Variants in CFAP161 observed in about 807,000 individuals in gnomAD.
The protein encoded by CFAP161 is cilia- and flagella-associated protein 161.
Under a neutral mutation model 29.0 loss-of-function variants are expected in CFAP161, and 25 were observed. The ratio of observed to expected loss-of-function variants is 0.86; its 90% CI spans 0.63 to 1.20. CFAP161 has a LOEUF of 1.20. Ranked by LOEUF, CFAP161 falls within the 50% of genes most tolerant of loss-of-function variation. The probability of loss-of-function intolerance (pLI) is 0.00; values close to 1 mark genes in which losing one functional copy is unlikely to be tolerated. For synonymous variants in CFAP161, 116 were observed against 137.4 expected, an observed-to-expected ratio of 0.84 and a Z score of 1.09; for missense variants, 367 against 371.9, an observed-to-expected ratio of 0.99 and a Z score of 0.11.
chr15:81,123,950 G>C (rs958354343), intron 1 of CFAP161, among the ~76,000 whole-genome samples: 1 of 152,110 alleles, frequency 6.6e-6, no homozygotes, highest in African/African-American at 2.4e-5. Context: ...TGAGACGATG[G>C]GGTTTTCTAG....
At position 81,135,309 on chromosome 15, in the gene CFAP161, A is replaced by T. The variant is rs1894790243; in HGVS notation, c.109A>T (p.Lys37Ter). 1 of 1,600,988 alleles carries T rather than the reference A, an allele frequency of 6.2e-7. No individual in the cohort carries two copies. The highest frequency in any genetic ancestry group is 8.5e-7 in the Non-Finnish European group (1 of 1,176,786). ...KDFLEKRDKG[K>*]LLIQRSRRLK... Reference sequence around the variant, plus strand: ...CTTCTTAGAGAAGAGAGACAAGGGGAAACTTCTCATACAGAGAAGTAGAAG... The same window carrying T: ...CTTCTTAGAGAAGAGAGACAAGGGGTAACTTCTCATACAGAGAAGTAGAAG... Residue 37 changes from lysine to a stop codon, truncating the protein, a stop_gained, in exon 2 of 7, where the codon AAA becomes TAA. Transcript: ENST00000286732. LOFTEE classifies it high-confidence loss of function.
intron 1 of CFAP161, among the ~76,000 whole-genome samples, chr15:81,120,369 A>G (rs1894556580): frequency 6.6e-6 from 1 of 152,262 alleles, no homozygotes; most frequent in Admixed American, 6.5e-5. Flanking sequence ...AGGAAAGCCA[A>G]GAGTATGGAA....
intron 1 of CFAP161, among the ~76,000 whole-genome samples, chr15:81,124,790 T>C (rs1384122002): frequency 6.6e-6 from 1 of 152,206 alleles, no homozygotes; most frequent in Admixed American, 6.5e-5. Context: ...TTCTAGTTTA[T>C]GTGCATAGAG....
At chr15:81,115,284 C>A (rs191710077) in intron 1 of CFAP161, among the ~76,000 whole-genome samples, 5 of 152,224 alleles carry the variant, frequency 3.3e-5, no homozygotes, top group African/African-American at 1.2e-4. Flanking sequence ...TGATCAATAT[C>A]TTTTTCCAAA....
Position 81,117,016 on chromosome 15 carries a change from A to G in CFAP161, c.-141-10574A>G, listed in dbSNP as rs564645359. ...TATTAAAAAACCTTTTGGGGCTAGG[A>G]ATCCATAGGAAGGCAGACTTTAGAT... On this transcript the variant is annotated intron_variant, in intron 1 of 4. Transcript: ENST00000560091. Among the ~76,000 whole-genome samples the G allele has an allele frequency of 7.9e-5, 12 of 152,254 alleles. No individual in the cohort carries two copies. The South Asian group carries it at 2.5e-3, about 32-fold the overall frequency.
At chr15:81,108,084 G>T (rs1894396668) in intron 1 of CFAP161, among the ~76,000 whole-genome samples, 1 of 152,174 alleles carries the variant, frequency 6.6e-6, no homozygotes, top group Admixed American at 6.5e-5. Context: ...TTGGGGAAAT[G>T]AGTCTGCCTT....
At chr15:81,104,007 G>A (rs1894333124) in intron 1 of CFAP161, among the ~76,000 whole-genome samples, 1 of 152,134 alleles carries the variant, frequency 6.6e-6, no homozygotes, top group South Asian at 2.1e-4. Flanking sequence ...CATGATTTCA[G>A]AGAGTTTTTC....
At chr15:81,146,475 C>T (rs1010511187) in intron 5 of CFAP161, among the ~76,000 whole-genome samples, 1 of 151,836 alleles carries the variant, frequency 6.6e-6, no homozygotes, top group African/African-American at 2.4e-5. Flanking sequence ...CATCATTGAC[C>T]ATATCTTGTG....
At chr15:81,148,212 A>C in intron 6 of CFAP161, 126 bp from the exon 7 acceptor site, 4 of 979,000 alleles carry the variant, frequency 4.1e-6, no homozygotes, top group East Asian at 2.6e-5. Flanking sequence ...GTCCCATTTT[A>C]GAGATTCCCT....
intron 2 of CFAP161, among the ~76,000 whole-genome samples, chr15:81,128,386 G>A (rs2141873071): frequency 6.6e-6 from 1 of 152,254 alleles, no homozygotes; most frequent in East Asian, 1.9e-4. Context: ...ATCCTTTGTT[G>A]TCATTTCAGC....
At chr15:81,105,092 C>CCCTCCCTCCCTTCCTCCCTCCCTCCCTT (rs1555448580) in intron 1 of CFAP161, among the ~76,000 whole-genome samples, 1 of 53,452 alleles carries the variant, frequency 1.9e-5, no homozygotes, top group Non-Finnish European at 3.6e-5. Context: ...CTTTTCTTTT[C>CCCTCCCTCCCTTCCTCCCTCCCTCCCTT]CCTCCCTCCC....
intron 4 of CFAP161, 149 bp from the exon 5 acceptor site, chr15:81,143,513 G>A (rs1894949935): frequency 6.0e-6 from 5 of 838,792 alleles, no homozygotes. Context: ...TAAGGTAGAG[G>A]AAAATTGTGC....
At chr15:81,143,532 A>G in intron 4 of CFAP161, 130 bp from the exon 5 acceptor site, 1 of 1,042,870 alleles carries the variant, frequency 9.6e-7, no homozygotes, top group African/African-American at 1.6e-5. Context: ...GCTTTCTCAT[A>G]CAATCAGTAA....
intron 1 of CFAP161, among the ~76,000 whole-genome samples, chr15:81,101,651 T>A (rs1228263998): frequency 6.6e-6 from 1 of 150,690 alleles, no homozygotes; most frequent in African/African-American, 2.4e-5. Flanking sequence ...GGGCAATAGC[T>A]CTTTGCCGAC....
chr15:81,110,364 T>C (rs1894425349), intron 1 of CFAP161, among the ~76,000 whole-genome samples: 1 of 152,178 alleles, frequency 6.6e-6, no homozygotes, highest in South Asian at 2.1e-4. Flanking sequence ...TGTTTTTTGA[T>C]ATCTAGAATA....
intron 1 of CFAP161, among the ~76,000 whole-genome samples, chr15:81,109,324 C>T (rs1386956121): frequency 6.6e-6 from 1 of 152,150 alleles, no homozygotes; most frequent in Non-Finnish European, 1.5e-5. Flanking sequence ...ACTGGCAAAG[C>T]CATATTTCAT....
At chr15:81,124,403 T>A (rs1192416006) in intron 1 of CFAP161, among the ~76,000 whole-genome samples, 6 of 152,216 alleles carry the variant, frequency 3.9e-5, no homozygotes, top group Admixed American at 6.5e-5. Context: ...TGCTGCTGGA[T>A]TCAGTTTGTC....
chr15:81,134,231 C>G (rs1894766307), upstream of CFAP161: 1 of 1,428,344 alleles, frequency 7.0e-7, no homozygotes, highest in South Asian at 1.3e-5. Context: ...AGCAGGGTCC[C>G]AGACCTTGAC....
intron 1 of CFAP161, 100 bp downstream of exon 1, chr15:81,134,498 C>T (rs1209054554): frequency 1.7e-6 from 2 of 1,200,598 alleles, no homozygotes; most frequent in South Asian, 2.8e-5. Context: ...CCTCCTCTCT[C>T]TCCCAGCATA....
Sources: allele counts gnomAD v4.1 joint callset (sites outside exome capture counted in the v4.1 genomes callset), GRCh38; gene constraint gnomAD v4.1.1; transcripts MANE v1.5; gene names NCBI Gene and HGNC (gene_info 2026-07-23, HGNC 2026-07-21).